Variants in MSI2 observed in about 807,000 individuals in gnomAD.
MSI2 encodes the protein musashi RNA binding protein 2, also known as RNA-binding protein Musashi homolog 2.
In MSI2, 17 loss-of-function variants were observed where a neutral mutation model predicts 45.6. That is an observed-to-expected ratio of 0.37 (90% CI 0.26 to 0.56). The LOEUF (loss-of-function observed/expected upper bound fraction) is 0.56, where lower values mean the gene tolerates loss of function less well. Among genes scored for constraint, MSI2 ranks in the 20% least tolerant of loss-of-function variants. The probability of loss-of-function intolerance (pLI) is 0.77; values close to 1 mark genes in which losing one functional copy is unlikely to be tolerated. For missense variants in MSI2, 293 were observed against 444.2 expected (o/e 0.66, Z 3.06); for synonymous variants, 156 against 158.2 (o/e 0.99, Z 0.11).
chr17:57,352,505 C>T (rs965220537), intron 5 of MSI2, among the ~76,000 whole-genome samples: 1 of 152,188 alleles, frequency 6.6e-6, no homozygotes, highest in Non-Finnish European at 1.5e-5. Flanking sequence ...GGGTGGAACC[C>T]TGATTCCTAA....
intron 6 of MSI2, among the ~76,000 whole-genome samples, chr17:57,493,771 G>A (rs1041608070): frequency 2.6e-5 from 4 of 152,026 alleles, no homozygotes; most frequent in Non-Finnish European, 5.9e-5. Flanking sequence ...CACAGTAGGA[G>A]GTAGCCTTGC....
chr17:57,443,326 T>C, intron 6 of MSI2, among the ~76,000 whole-genome samples: 1 of 152,178 alleles, frequency 6.6e-6, no homozygotes, highest in Non-Finnish European at 1.5e-5. Flanking sequence ...TCTCCTCCGT[T>C]TGTGCCGCGT....
chr17:57,597,891 C>T lies in MSI2; in HGVS notation c.537+941C>T, dbSNP rs1905415869. 2.0e-5 allele frequency among the ~76,000 whole-genome samples: 3 copies of T among 152,234 alleles called. No individual in the cohort carries two copies. The South Asian group carries it at 6.2e-4, about 32-fold the overall frequency. ...TTCTGCCCTCTTGATCAGCTGCTTC[C>T]TTCCCTCTCTTTGGCTCTTTAAAGT... On this transcript the variant is annotated intron_variant, in intron 8 of 13. Transcript: ENST00000284073.
rs534418119 is a variant in MSI2, at chr17:57,570,976, C to T, written c.455-25892C>T. On this transcript the variant is annotated intron_variant, in intron 7 of 13. Transcript: ENST00000284073. ...GCAGTGACGGCCTCTGGGGCCCCTC[C>T]CCCTGCAGATTTGAGCAAAGCCTGA... Among the ~76,000 whole-genome samples the T allele has an allele frequency of 2.6e-5, 4 of 152,260 alleles. No homozygotes were observed. In the East Asian group the frequency reaches 7.8e-4, roughly 30 times the overall value.
chr17:57,532,893 G>A (rs1266949571), intron 7 of MSI2, among the ~76,000 whole-genome samples: 2 of 152,206 alleles, frequency 1.3e-5, no homozygotes. Flanking sequence ...GCAGCCTGGG[G>A]CCTCAACTCA....
chr17:57,257,557 T>C lies in MSI2; in HGVS notation c.185+10T>C. The C allele has an allele frequency of 1.3e-6, 2 of 1,557,498 alleles. No individual in the cohort carries two copies. The highest frequency in any genetic ancestry group is 2.2e-5 in the East Asian group (1 of 44,574). ...CTACGAAACGCTCCAGGTAAACCATTCCCTTCTGGATTTTGTCTTTATTTT... is the reference window on the plus strand; with the variant it reads ...CTACGAAACGCTCCAGGTAAACCATCCCCTTCTGGATTTTGTCTTTATTTT... On this transcript the variant is annotated intron_variant, in intron 3 of 13. Transcript: ENST00000284073.
chr17:57,583,722 C>T (rs2088270294), intron 7 of MSI2, among the ~76,000 whole-genome samples: 1 of 152,158 alleles, frequency 6.6e-6, no homozygotes, highest in African/African-American at 2.4e-5. Flanking sequence ...AATCTGCCTG[C>T]CTTGGCCTCC....
At chr17:57,670,395 C>G (rs59451740) in intron 11 of MSI2, among the ~76,000 whole-genome samples, 1 of 152,168 alleles carries the variant, frequency 6.6e-6, no homozygotes, top group South Asian at 2.1e-4. Flanking sequence ...GCTTTAGAAC[C>G]CTAAGGGAAA....
chr17:57,461,491 G>A (rs998721968), intron 6 of MSI2, among the ~76,000 whole-genome samples: 2 of 151,858 alleles, frequency 1.3e-5, no homozygotes, highest in Non-Finnish European at 2.9e-5. Context: ...TCTGGGGCCC[G>A]GGCTGCTGTC....
At chr17:57,543,082 A>G (rs1243073935) in intron 7 of MSI2, among the ~76,000 whole-genome samples, 1 of 152,152 alleles carries the variant, frequency 6.6e-6, no homozygotes. Flanking sequence ...TTCCTACTCA[A>G]TGCTTCCCAT....
chr17:57,268,782 C>A (rs1908077807), intron 5 of MSI2, among the ~76,000 whole-genome samples: 1 of 152,134 alleles, frequency 6.6e-6, no homozygotes. Flanking sequence ...TTGCAGTGAG[C>A]CGAGATTGCG....
chr17:57,495,801 G>C (rs977309574), intron 6 of MSI2, among the ~76,000 whole-genome samples: 1 of 152,130 alleles, frequency 6.6e-6, no homozygotes, highest in Non-Finnish European at 1.5e-5. Context: ...CCTGAGTGAG[G>C]AATTAATGCT....
intron 7 of MSI2, among the ~76,000 whole-genome samples, chr17:57,587,041 G>A (rs1178419274): frequency 1.3e-5 from 2 of 152,100 alleles, no homozygotes; most frequent in African/African-American, 4.8e-5. Flanking sequence ...CGCAGTTCCT[G>A]GGCAACACCC....
At chr17:57,508,660 T>A (rs1482237043) in intron 6 of MSI2, among the ~76,000 whole-genome samples, 1 of 152,130 alleles carries the variant, frequency 6.6e-6, no homozygotes, top group Non-Finnish European at 1.5e-5. Flanking sequence ...ATGTTTTGGT[T>A]CAGATGCCAT....
At chr17:57,270,858 T>C (rs952890396) in intron 5 of MSI2, among the ~76,000 whole-genome samples, 3 of 152,106 alleles carry the variant, frequency 2.0e-5, no homozygotes, top group African/African-American at 7.2e-5. Flanking sequence ...CTTTCTAGGG[T>C]GAGGGATAGA....
intron 6 of MSI2, among the ~76,000 whole-genome samples, chr17:57,404,686 A>C (rs1004174976): frequency 6.6e-6 from 1 of 151,840 alleles, no homozygotes; most frequent in East Asian, 1.9e-4. Flanking sequence ...AGCTTCTCCA[A>C]CTGTTTATTT....
intron 11 of MSI2, chr17:57,671,663 C>T (rs532520458): frequency 6.6e-6 from 1 of 152,016 alleles, no homozygotes; most frequent in Non-Finnish European, 1.5e-5. Flanking sequence ...CAAATGACCC[C>T]CTTTCCTGCG....
chr17:57,260,831 G>A (rs2143174223), intron 4 of MSI2, among the ~76,000 whole-genome samples: 1 of 152,234 alleles, frequency 6.6e-6, no homozygotes, highest in Admixed American at 6.5e-5. Context: ...GACCCTAGGT[G>A]ATGTAAGTCA....
chr17:57,398,607 AG>A (rs145210693), intron 5 of MSI2, among the ~76,000 whole-genome samples: 4,365 of 152,280 alleles, frequency 0.029, 207 homozygotes, highest in African/African-American at 0.099. Context: ...TTGAAAGATG[AG>A]TCTAGTAACT....
Sources: gnomAD v4.1 joint callset for allele counts (sites outside exome capture counted in the v4.1 genomes callset) on GRCh38, gnomAD v4.1.1 for gene constraint, MANE v1.5 for transcripts, NCBI Gene and HGNC (gene_info 2026-07-23, HGNC 2026-07-21) for gene names.